Variants in ZFHX3 observed in about 807,000 individuals in gnomAD.
The protein encoded by ZFHX3 is zinc finger homeobox protein 3.
Under a neutral mutation model 279.1 loss-of-function variants are expected in ZFHX3, and 42 were observed. That is an observed-to-expected ratio of 0.15 (90% CI 0.12 to 0.19). The LOEUF is 0.19. Among genes scored for constraint, ZFHX3 ranks in the 10% least tolerant of loss-of-function variants. ZFHX3 has a pLI of 1.00. For synonymous variants in ZFHX3, 2,293 were observed against 1,957.8 expected, an observed-to-expected ratio of 1.17 and a Z score of -4.52; for missense variants, 4,981 against 4,754.0, an observed-to-expected ratio of 1.05 and a Z score of -1.40.
chr16:73,029,779 G>A (rs1020034804), intron 1 of ZFHX3, among the ~76,000 whole-genome samples: 2 of 152,178 alleles, frequency 1.3e-5, no homozygotes, highest in African/African-American at 2.4e-5. Context: ...TCATGCCAAC[G>A]ACAGAGAGGC....
chr16:73,237,593 A>G (rs2012993499), intron 5 of ZFHX3, among the ~76,000 whole-genome samples: 1 of 126,486 alleles, frequency 7.9e-6, no homozygotes, highest in Non-Finnish European at 1.6e-5. Context: ...GCTAGTATTG[A>G]ACTCCTGGCC....
chr16:73,853,680 G>A (rs1267127993), intron 1 of ZFHX3, among the ~76,000 whole-genome samples: 2 of 152,124 alleles, frequency 1.3e-5, no homozygotes, highest in African/African-American at 2.4e-5. Flanking sequence ...CTCCAAAAGG[G>A]AGAAGGGTGA....
intron 1 of ZFHX3, among the ~76,000 whole-genome samples, chr16:73,819,942 C>T (rs2142347388): frequency 6.6e-6 from 1 of 152,300 alleles, no homozygotes; most frequent in East Asian, 1.9e-4. Context: ...ATGGTCACGA[C>T]AATGTCTCTC....
chr16:73,504,726 A>T (rs2019294278), intron 2 of ZFHX3: 1 of 152,282 alleles, frequency 6.6e-6, no homozygotes, highest in Admixed American at 6.5e-5. Context: ...TGTGTTTCAT[A>T]AACCTTACGG....
At chr16:73,473,467 C>T (rs903128464) in intron 2 of ZFHX3, among the ~76,000 whole-genome samples, 24 of 150,958 alleles carry the variant, frequency 1.6e-4, no homozygotes, top group African/African-American at 5.6e-4. Context: ...TATGAGAAAA[C>T]CAACAGCAGT....
intron 3 of ZFHX3, among the ~76,000 whole-genome samples, chr16:73,392,708 C>T (rs938959548): frequency 5.9e-5 from 9 of 152,198 alleles, no homozygotes; most frequent in East Asian, 3.8e-4. Flanking sequence ...GATTTCACCA[C>T]GAGTTCCTCT....
At chr16:73,282,944 C>A (rs1364205015) in intron 4 of ZFHX3, among the ~76,000 whole-genome samples, 1 of 152,132 alleles carries the variant, frequency 6.6e-6, no homozygotes, top group Admixed American at 6.5e-5. Context: ...AGGCACTATT[C>A]TTAATGTTAG....
At chr16:73,301,410 G>C (rs1002991362) in intron 4 of ZFHX3, among the ~76,000 whole-genome samples, 1 of 152,184 alleles carries the variant, frequency 6.6e-6, no homozygotes, top group Admixed American at 6.5e-5. Context: ...TGACATTTCA[G>C]ACAGGATGAT....
chr16:73,462,546 AGGTTTTTGT>A (rs2018490869), intron 2 of ZFHX3, among the ~76,000 whole-genome samples: 2 of 152,142 alleles, frequency 1.3e-5, no homozygotes, highest in South Asian at 4.1e-4. Context: ...CACTAGCTGT[AGGTTTTTGT>A]AGATGCTCTT....
intron 4 of ZFHX3, among the ~76,000 whole-genome samples, chr16:73,290,684 C>G (rs1400020661): frequency 3.3e-5 from 5 of 152,204 alleles, no homozygotes; most frequent in African/African-American, 9.7e-5. Flanking sequence ...TTGTCTTTCA[C>G]TGGGAGCCTG....
chr16:72,985,369 A>C (rs958497372), intron 1 of ZFHX3, among the ~76,000 whole-genome samples: 1 of 152,184 alleles, frequency 6.6e-6, no homozygotes, highest in African/African-American at 2.4e-5. Context: ...GTCCCCAAAT[A>C]AGTGGTTTCT....
chr16:72,802,759 G>A (rs936021692), intron 7 of ZFHX3, among the ~76,000 whole-genome samples: 3 of 152,098 alleles, frequency 2.0e-5, no homozygotes, highest in Admixed American at 1.3e-4. Context: ...AGACACTAAC[G>A]TTCCCTTTGC....
At chr16:73,085,628 T>C (rs767898171) in intron 8 of ZFHX3, among the ~76,000 whole-genome samples, 5 of 152,184 alleles carry the variant, frequency 3.3e-5, no homozygotes, top group Non-Finnish European at 5.9e-5. Flanking sequence ...TAGATAACCA[T>C]ATGCAGAAGC....
At chr16:73,184,104 A>G (rs1967860593) in intron 5 of ZFHX3, among the ~76,000 whole-genome samples, 1 of 151,986 alleles carries the variant, frequency 6.6e-6, no homozygotes, top group African/African-American at 2.4e-5. Context: ...TTTCTCTCCT[A>G]GAGGTATATG....
chr16:73,839,289 G>A (rs1408180737), intron 1 of ZFHX3, among the ~76,000 whole-genome samples: 1 of 116,168 alleles, frequency 8.6e-6, no homozygotes, highest in East Asian at 3.1e-4. Flanking sequence ...ATGAACCCAG[G>A]ATGTGGAACT....
chr16:73,469,115 C>T (rs756963743), intron 2 of ZFHX3, among the ~76,000 whole-genome samples: 31 of 152,186 alleles, frequency 2.0e-4, no homozygotes, highest in Non-Finnish European at 3.5e-4. Context: ...CAGAGTGGGG[C>T]TCCCCAGTCT....
At chr16:72,859,107 C>G (rs111386723) in intron 4 of ZFHX3, among the ~76,000 whole-genome samples, 2,528 of 152,356 alleles carry the variant, frequency 0.017, 41 homozygotes, top group Middle Eastern at 0.078. Context: ...ACTCCTCCAA[C>G]CAGGTCACAG....
At chr16:73,484,515 A>T (rs2018937947) in intron 2 of ZFHX3, among the ~76,000 whole-genome samples, 1 of 152,200 alleles carries the variant, frequency 6.6e-6, no homozygotes, top group Non-Finnish European at 1.5e-5. Flanking sequence ...AGATGACGCT[A>T]TGATGAGCTC....
Position 72,794,971 on chromosome 16 carries a change from C to G in ZFHX3, c.7711G>C (p.Asp2571His). ...GGATCAAAGAGCATGAAAGGCATATCCAGGGACCTGTCCAAAAACTGGGGG... is the reference window on the plus strand; with the variant it reads ...GGATCAAAGAGCATGAAAGGCATATGCAGGGACCTGTCCAAAAACTGGGGG... ...IHPQFLDRSLDMPFMLFDPSN... is the reference protein window; with the variant it reads ...IHPQFLDRSLHMPFMLFDPSN... The change falls in exon 9 of 10, where the codon GAT (aspartate) becomes CAT (histidine). Residue 2571 changes from aspartate to histidine, a missense_variant. Transcript: ENST00000268489. The surrounding 1 kb of genome is among the most constrained non-coding windows in gnomAD (Gnocchi z 4.2). The G allele has an allele frequency of 6.2e-7, 1 of 1,614,152 alleles. No homozygotes were observed. The highest frequency in any genetic ancestry group is 8.5e-7 in the Non-Finnish European group (1 of 1,180,048).
Sources: allele counts gnomAD v4.1 joint callset (sites outside exome capture counted in the v4.1 genomes callset), GRCh38; gene constraint gnomAD v4.1.1; non-coding constraint Gnocchi (gnomAD v3.1); transcripts MANE v1.5; gene names NCBI Gene and HGNC (gene_info 2026-07-23, HGNC 2026-07-21).